Variants in DCDC2C observed in about 807,000 individuals in gnomAD.
The protein encoded by DCDC2C is doublecortin domain containing 2C, also known as doublecortin domain-containing protein 2C.
A neutral mutation model predicts 45.0 loss-of-function variants in DCDC2C; 44 were observed. That is an observed-to-expected ratio of 0.98 (90% CI 0.77 to 1.26). The LOEUF is 1.26. DCDC2C is among the 50% of genes most tolerant of loss of function. The probability of loss-of-function intolerance (pLI) is 0.00; values close to 1 mark genes in which losing one functional copy is unlikely to be tolerated. For missense variants in DCDC2C, 447 were observed against 468.9 expected (o/e 0.95, Z 0.43); for synonymous variants, 187 against 178.8 (o/e 1.05, Z -0.37).
At position 3,752,753 on chromosome 2, in the gene DCDC2C, G is replaced by A. The variant is rs1669579311; in HGVS notation, c.546-10G>A. On this transcript the variant is annotated splice_polypyrimidine_tract_variant and intron_variant, in intron 4 of 10. Coordinates refer to ENST00000399143, the MANE Select transcript of DCDC2C (RefSeq NM_001287444.2). ...AGTCTCTATCTCATTTCTTCTTTCT[G>A]TTTTTACAGATTATTTACAATGAAT... The A allele has an allele frequency of 1.3e-6, 2 of 1,550,132 alleles. No homozygotes were observed. The highest frequency in any genetic ancestry group is 2.4e-5 in the South Asian group (2 of 84,050).
intron 10 of DCDC2C, among the ~76,000 whole-genome samples, chr2:3,842,336 AG>A (rs2148247535): frequency 6.6e-6 from 1 of 151,988 alleles, no homozygotes; most frequent in Admixed American, 6.5e-5. Flanking sequence ...TGGGCCTGGG[AG>A]GGAGGCTGCA....
At chr2:3,788,893 G>C (rs932345931) in intron 10 of DCDC2C, among the ~76,000 whole-genome samples, 1 of 120,196 alleles carries the variant, frequency 8.3e-6, no homozygotes, top group Non-Finnish European at 1.6e-5. Context: ...TTCTTTTTCT[G>C]AGACAGGGTC....
At chr2:3,792,730 G>A (rs1461570632) in intron 10 of DCDC2C, among the ~76,000 whole-genome samples, 1 of 152,152 alleles carries the variant, frequency 6.6e-6, no homozygotes, top group African/African-American at 2.4e-5. Context: ...TACTTTTAGG[G>A]GAATTTATTA....
intron 4 of DCDC2C, among the ~76,000 whole-genome samples, chr2:3,748,732 G>A (rs1021521533): frequency 6.6e-6 from 1 of 152,142 alleles, no homozygotes; most frequent in African/African-American, 2.4e-5. Context: ...TGAGTTCTGG[G>A]CTCAGCTTCC....
rs558326479 is a variant in DCDC2C at position 3,733,838 on chromosome 2, T to A, written c.416+6759T>A. Among the ~76,000 whole-genome samples, 5 of 152,304 alleles carry A rather than the reference T, an allele frequency of 3.3e-5. No homozygotes were observed. The South Asian group carries it at 1.0e-3, about 32-fold the overall frequency. ...GGGGGTGAGGGGACACGATTCAGACTGTAGCAGAGGTTGAATCATCCCACC... is the reference window on the plus strand; with the variant it reads ...GGGGGTGAGGGGACACGATTCAGACAGTAGCAGAGGTTGAATCATCCCACC... On this transcript the variant is annotated intron_variant, in intron 3 of 10. Coordinates refer to ENST00000399143, the MANE Select transcript of DCDC2C (RefSeq NM_001287444.2).
chr2:3,752,772 A>G lies in DCDC2C; in HGVS notation c.555A>G (p.Thr185=), dbSNP rs1230480652. ...FPLGGVRKLF[T]MNGHLLGDSK... is the part of the protein sequence containing the mutation. ...CTTTCTGTTTTTACAGATTATTTAC[A>G]ATGAATGGGCATCTTTTGGGCGACT... Residue 185 remains threonine, a synonymous_variant, in exon 5 of 11, where the codon ACA becomes ACG. Coordinates refer to ENST00000399143, the MANE Select transcript of DCDC2C (RefSeq NM_001287444.2). The G allele has an allele frequency of 9.7e-6, 15 of 1,550,436 alleles. No homozygotes were observed. The highest frequency in any genetic ancestry group is 1.3e-5 in the Non-Finnish European group (15 of 1,146,894).
chr2:3,704,191 C>T (rs1467052246), intron 1 of DCDC2C, 153 bp downstream of exon 1: 4 of 706,554 alleles, frequency 5.7e-6, no homozygotes, highest in East Asian at 6.9e-5. Context: ...CAGCCGGCGT[C>T]GGGCCGCCCC....
At chr2:3,807,890 G>A (rs1671293185) in intron 10 of DCDC2C, among the ~76,000 whole-genome samples, 1 of 152,152 alleles carries the variant, frequency 6.6e-6, no homozygotes, top group East Asian at 1.9e-4. Flanking sequence ...GTGCACAACA[G>A]CTCATTCCTG....
At chr2:3,778,574 C>T (rs1670419437) in intron 8 of DCDC2C, among the ~76,000 whole-genome samples, 1 of 152,120 alleles carries the variant, frequency 6.6e-6, no homozygotes, top group South Asian at 2.1e-4. Context: ...CTGGAGCGCC[C>T]ACGCCACTCC....
intron 4 of DCDC2C, among the ~76,000 whole-genome samples, chr2:3,747,175 C>T (rs1052456424): frequency 6.6e-6 from 1 of 152,210 alleles, no homozygotes; most frequent in Non-Finnish European, 1.5e-5. Flanking sequence ...CATGTGTGTT[C>T]CCGTGGCCCA....
At chr2:3,837,707 G>A (rs765444364) in intron 10 of DCDC2C, among the ~76,000 whole-genome samples, 3 of 82,394 alleles carry the variant, frequency 3.6e-5, no homozygotes, top group Non-Finnish European at 8.1e-5. Flanking sequence ...TTTCTCAAGC[G>A]CAACACCATT....
At chr2:3,718,508 A>T (rs1668405855) in intron 2 of DCDC2C, among the ~76,000 whole-genome samples, 1 of 151,986 alleles carries the variant, frequency 6.6e-6, no homozygotes, top group Admixed American at 6.6e-5. Context: ...ACGTGGCCAG[A>T]CCCCAGGTTG....
At chr2:3,797,219 C>G (rs1357038477) in intron 10 of DCDC2C, among the ~76,000 whole-genome samples, 1 of 152,064 alleles carries the variant, frequency 6.6e-6, no homozygotes, top group Non-Finnish European at 1.5e-5. Context: ...GGTGATATCC[C>G]CTTTATCATT....
At chr2:3,834,379 CA>C (rs1430123625) in intron 10 of DCDC2C, among the ~76,000 whole-genome samples, 1 of 152,232 alleles carries the variant, frequency 6.6e-6, no homozygotes, top group Non-Finnish European at 1.5e-5. Flanking sequence ...CTGTTGTAAT[CA>C]CTGTACAATG....
At chr2:3,806,676 G>A (rs1671254978) in intron 10 of DCDC2C, among the ~76,000 whole-genome samples, 1 of 151,880 alleles carries the variant, frequency 6.6e-6, no homozygotes, top group African/African-American at 2.4e-5. Flanking sequence ...CTGAGTAGCT[G>A]GGATTACAGG....
At chr2:3,828,620 C>T (rs1572646160) in intron 10 of DCDC2C, among the ~76,000 whole-genome samples, 1 of 152,198 alleles carries the variant, frequency 6.6e-6, no homozygotes. Context: ...GCCCAGCAGG[C>T]AGATTTATTT....
At chr2:3,715,842 T>G (rs1668338054) in intron 2 of DCDC2C, among the ~76,000 whole-genome samples, 1 of 152,134 alleles carries the variant, frequency 6.6e-6, no homozygotes, top group Non-Finnish European at 1.5e-5. Context: ...GTGAGACAGA[T>G]AATAAACAAA....
At chr2:3,843,107 T>C (rs1302637925) in intron 10 of DCDC2C, among the ~76,000 whole-genome samples, 3 of 152,172 alleles carry the variant, frequency 2.0e-5, no homozygotes, top group African/African-American at 7.2e-5. Context: ...AAGAAGTGGC[T>C]GTGATAGCAG....
chr2:3,773,057 G>A (rs1018739230), intron 8 of DCDC2C, among the ~76,000 whole-genome samples: 3 of 152,198 alleles, frequency 2.0e-5, no homozygotes, highest in African/African-American at 7.2e-5. Flanking sequence ...AAGCTTCAGA[G>A]TCACTGAAAC....
Sources: gnomAD v4.1 joint callset for allele counts (sites outside exome capture counted in the v4.1 genomes callset) on GRCh38, gnomAD v4.1.1 for gene constraint, MANE v1.5 for transcripts, NCBI Gene and HGNC (gene_info 2026-07-23, HGNC 2026-07-21) for gene names.